The following C1QTNF1 variants were observed in gnomAD, a reference collection of about 807,000 sequenced individuals.
C1QTNF1 encodes complement C1q tumor necrosis factor-related protein 1.
A neutral mutation model predicts 27.8 loss-of-function variants in C1QTNF1; 22 were observed. The ratio of observed to expected loss-of-function variants is 0.79; its 90% CI spans 0.56 to 1.13. The LOEUF is 1.13. Among genes scored for constraint, C1QTNF1 ranks in the 50% most tolerant of loss-of-function variants. The pLI, the probability that C1QTNF1 is intolerant of heterozygous loss-of-function variation, is 0.00. For missense variants in C1QTNF1, 373 were observed against 380.2 expected (o/e 0.98, Z 0.16); for synonymous variants, 166 against 154.3 (o/e 1.08, Z -0.56).
chr17:79,044,900 T>C (rs2145927561), intron 2 of C1QTNF1, among the ~76,000 whole-genome samples: 1 of 152,304 alleles, frequency 6.6e-6, no homozygotes, highest in Middle Eastern at 3.4e-3. Context: ...AGTCACATCA[T>C]TCCGTTCTTT....
rs990395045 is a variant in C1QTNF1, at chr17:79,048,847, C to T, written c.*759C>T. The stretch of plus-strand genomic sequence containing the variant: ...AGGGCTCCTGACAGTGGCCAGGGAC[C>T]CCTGGGTCCCCCAGGCCTGCAGATG... On this transcript the variant is annotated 3_prime_UTR_variant, in exon 4 of 4. Coordinates refer to ENST00000579760, the MANE Select transcript of C1QTNF1 (RefSeq NM_030968.5). 1 of 152,150 alleles carries T rather than the reference C, an allele frequency of 6.6e-6. No homozygotes were observed. The highest frequency in any genetic ancestry group is 1.5e-5 in the Non-Finnish European group (1 of 68,036). The allele number at this position is 152,150 out of a possible 1,614,324, so 9.4% of individuals were successfully genotyped here.
At chr17:79,032,478 G>A (rs1252267333) in intron 1 of C1QTNF1, among the ~76,000 whole-genome samples, 1 of 152,178 alleles carries the variant, frequency 6.6e-6, no homozygotes, top group African/African-American at 2.4e-5. Context: ...GTGGCATTCA[G>A]ATTTGCGTTT....
rs772540943 is a variant in C1QTNF1, at chr17:79,047,734, G to A, written c.492G>A (p.Thr164=). Reference sequence around the variant, plus strand: ...TGCACAGCAACCACTACTACCAGACGGTGATCTTCGACACGGAGTTCGTGA... The same window carrying A: ...TGCACAGCAACCACTACTACCAGACAGTGATCTTCGACACGGAGTTCGTGA... ...KPMHSNHYYQ[T]VIFDTEFVNL... The change falls in exon 4 of 4, where the codon ACG becomes ACA. Residue 164 remains threonine, a synonymous_variant. Transcript: ENST00000579760. The A allele has an allele frequency of 1.3e-5, 21 of 1,614,128 alleles. No homozygotes were observed. The highest frequency in any genetic ancestry group is 1.7e-5 in the Non-Finnish European group (20 of 1,180,022).
intron 2 of C1QTNF1, among the ~76,000 whole-genome samples, chr17:79,045,359 C>G (rs924541582): frequency 6.6e-6 from 1 of 152,054 alleles, no homozygotes; most frequent in Non-Finnish European, 1.5e-5. Context: ...TGGGGAGGGT[C>G]TCACCTGAAC....
chr17:79,027,875 G>A (rs1008454944), intron 1 of C1QTNF1, among the ~76,000 whole-genome samples: 15 of 152,220 alleles, frequency 9.9e-5, no homozygotes, highest in African/African-American at 3.6e-4. Flanking sequence ...AAGGGGGATG[G>A]TCTCCAGCAG....
chr17:79,027,081 C>CG (rs111808388), intron 1 of C1QTNF1, among the ~76,000 whole-genome samples: 17,953 of 123,016 alleles, frequency 0.15, 1,371 homozygotes, highest in Admixed American at 0.28. Flanking sequence ...TGTTCCTGGG[C>CG]GGGGGGGGGC....
intron 1 of C1QTNF1, among the ~76,000 whole-genome samples, chr17:79,040,114 C>T (rs1347389340): frequency 1.3e-5 from 2 of 152,148 alleles, no homozygotes; most frequent in Admixed American, 1.3e-4. Context: ...GAGGAGGTCA[C>T]CCACGGTCTG....
chr17:79,041,209 G>A (rs1362968666), intron 1 of C1QTNF1, among the ~76,000 whole-genome samples: 1 of 152,162 alleles, frequency 6.6e-6, no homozygotes, highest in Non-Finnish European at 1.5e-5. Flanking sequence ...ACGGTCTCTG[G>A]GCCCTGACGC....
chr17:79,026,737 C>T (rs144963895), intron 1 of C1QTNF1, among the ~76,000 whole-genome samples: 1 of 152,230 alleles, frequency 6.6e-6, no homozygotes, highest in Non-Finnish European at 1.5e-5. Context: ...ACACCACTGC[C>T]CCTCCCAGGC....
chr17:79,040,690 T>TTG (rs2072380557), intron 1 of C1QTNF1, among the ~76,000 whole-genome samples: 1 of 146,972 alleles, frequency 6.8e-6, no homozygotes, highest in South Asian at 2.1e-4. Context: ...GCCCGGGAGT[T>TTG]TGAGACCAGC....
At chr17:79,023,556 A>C (rs2145872500), upstream of C1QTNF1, among the ~76,000 whole-genome samples, 1 of 152,378 alleles carries the variant, frequency 6.6e-6, no homozygotes, top group Non-Finnish European at 1.5e-5. Context: ...GCTTCCAGCC[A>C]TCCTGGGCTC....
intron 2 of C1QTNF1, among the ~76,000 whole-genome samples, chr17:79,045,490 T>C (rs4789913): frequency 0.22 from 32,693 of 151,950 alleles, 4,196 homozygotes; most frequent in East Asian, 0.59. Flanking sequence ...AGATTCCAAG[T>C]GAGAGTCGAA....
chr17:79,042,474 A>T (rs535464526), intron 1 of C1QTNF1, among the ~76,000 whole-genome samples: 1 of 152,294 alleles, frequency 6.6e-6, no homozygotes, highest in African/African-American at 2.4e-5. Context: ...TCCTGGAAGG[A>T]TGACTGCTCT....
intron 1 of C1QTNF1, among the ~76,000 whole-genome samples, chr17:79,035,432 C>T (rs112236521): frequency 0.14 from 19,016 of 135,162 alleles, 1,516 homozygotes; most frequent in African/African-American, 0.26. Flanking sequence ...TGGGCTGAAT[C>T]GTATTTTTTT....
At chr17:79,032,163 G>T (rs990930560) in intron 1 of C1QTNF1, among the ~76,000 whole-genome samples, 1 of 152,156 alleles carries the variant, frequency 6.6e-6, no homozygotes, top group Non-Finnish European at 1.5e-5. Context: ...ACTGTAGACC[G>T]GTTCGTCCGG....
At chr17:79,033,392 TGAA>T (rs2072186291) in intron 1 of C1QTNF1, among the ~76,000 whole-genome samples, 1 of 152,104 alleles carries the variant, frequency 6.6e-6, no homozygotes, top group Non-Finnish European at 1.5e-5. Flanking sequence ...CATTGTCAGC[TGAA>T]GATGTGGTGT....
chr17:79,024,305 G>T lies in C1QTNF1; in HGVS notation c.-204G>T, dbSNP rs76683473. The T allele has an allele frequency of 0.077, 11,419 of 147,838 alleles. 629 individuals carry two copies. Among genetic ancestry groups the T allele is most frequent in the East Asian group, 0.26 (1,327 of 5,154 alleles). The allele number at this position is 147,838 out of a possible 1,614,324, so 9.2% of individuals were successfully genotyped here. A position where few individuals can be genotyped will look rare whatever the true frequency, so the allele number is the denominator to read the frequency against. ...CCGGGGAGACGGAGGTGCTGTGGGT[G>T]GGGGGGACCTGTGGCTGCTCGTACC... is the stretch of plus-strand genomic sequence containing the variant. On this transcript the variant is annotated 5_prime_UTR_variant, in exon 1 of 4. Coordinates refer to ENST00000579760, the MANE Select transcript of C1QTNF1 (RefSeq NM_030968.5).
chr17:79,038,719 A>G (rs2072324917), intron 1 of C1QTNF1, among the ~76,000 whole-genome samples: 1 of 152,110 alleles, frequency 6.6e-6, no homozygotes, highest in African/African-American at 2.4e-5. Context: ...CTTCCAGATA[A>G]CCTTGCTGGG....
At chr17:79,030,528 T>TCTTC (rs1790717222) in intron 1 of C1QTNF1, among the ~76,000 whole-genome samples, 1 of 132,914 alleles carries the variant, frequency 7.5e-6, no homozygotes, top group Non-Finnish European at 1.7e-5. Flanking sequence ...TTTCTTTCTT[T>TCTTC]CTTCTTTCTT....
Sources: gnomAD v4.1 joint callset for allele counts (sites outside exome capture counted in the v4.1 genomes callset) on GRCh38, gnomAD v4.1.1 for gene constraint, MANE v1.5 for transcripts, NCBI Gene and HGNC (gene_info 2026-07-23, HGNC 2026-07-21) for gene names.